The following TMEM132D variants were observed in gnomAD, a reference collection of about 807,000 sequenced individuals.
TMEM132D encodes the protein transmembrane protein 132D.
In TMEM132D, 21 loss-of-function variants were observed where a neutral mutation model predicts 62.3. The observed-to-expected ratio is 0.34, with a 90% confidence interval of 0.24 to 0.49. TMEM132D has a LOEUF of 0.49. Among genes scored for constraint, TMEM132D ranks in the 20% least tolerant of loss-of-function variants. The pLI, the probability that TMEM132D is intolerant of heterozygous loss-of-function variation, is 0.99. For synonymous variants in TMEM132D, 621 were observed against 575.6 expected (o/e 1.08, Z -1.13); for missense variants, 1,346 against 1,402.8 (o/e 0.96, Z 0.65).
chr12:129,303,958 C>T (rs1013822523), intron 4 of TMEM132D, among the ~76,000 whole-genome samples: 3 of 152,182 alleles, frequency 2.0e-5, no homozygotes, highest in Admixed American at 1.3e-4. Context: ...ACCCTGCCTC[C>T]ACCTTTGTGT....
rs369876979 is a variant in TMEM132D, at chr12:129,354,457, G to C, written c.1116-16640C>G. Among the ~76,000 whole-genome samples, 16 of 152,082 alleles carry C rather than the reference G, an allele frequency of 1.1e-4. No homozygotes were observed. In the East Asian group the frequency reaches 3.1e-3, roughly 29 times the overall value. On this transcript the variant is annotated intron_variant, in intron 3 of 8. Coordinates refer to ENST00000422113, the MANE Select transcript of TMEM132D (RefSeq NM_133448.3). ...TTCTGCCTCAGTCTCCCGAGTAGCT[G>C]GGACTACAGGTGCGAGCCACCACGC...
chr12:129,629,638 G>T (rs758714692), intron 2 of TMEM132D, among the ~76,000 whole-genome samples: 13 of 150,998 alleles, frequency 8.6e-5, no homozygotes, highest in Admixed American at 2.6e-4. Flanking sequence ...ATTTTACTTA[G>T]GATTTAGGCC....
intron 3 of TMEM132D, among the ~76,000 whole-genome samples, chr12:129,430,888 G>T (rs572945906): frequency 5.9e-5 from 9 of 152,162 alleles, no homozygotes; most frequent in Non-Finnish European, 1.3e-4. Flanking sequence ...TCAGGAGAGT[G>T]GGGGGAGACA....
chr12:129,281,107 A>C (rs1881132753), intron 4 of TMEM132D, among the ~76,000 whole-genome samples: 1 of 152,296 alleles, frequency 6.6e-6, no homozygotes, highest in African/African-American at 2.4e-5. Flanking sequence ...CTTCTTTGCT[A>C]ATCAGAAAAT....
intron 4 of TMEM132D, among the ~76,000 whole-genome samples, chr12:129,216,305 G>A (rs1879199537): frequency 1.3e-5 from 2 of 152,160 alleles, no homozygotes; most frequent in Non-Finnish European, 2.9e-5. Flanking sequence ...GATGACCATG[G>A]TGTGTTGAGT....
chr12:129,790,172 C>G (rs1392185815), intron 1 of TMEM132D, among the ~76,000 whole-genome samples: 6 of 152,300 alleles, frequency 3.9e-5, no homozygotes, highest in East Asian at 3.9e-4. Flanking sequence ...GAGCAAAACT[C>G]TGTGTGGCCC....
intron 3 of TMEM132D, among the ~76,000 whole-genome samples, chr12:129,498,310 G>C (rs1265323468): frequency 6.6e-6 from 1 of 152,176 alleles, no homozygotes; most frequent in East Asian, 1.9e-4. Context: ...CTGGAGTGCA[G>C]TGGCACGATC....
At chr12:129,831,199 G>T (rs957144652) in intron 1 of TMEM132D, among the ~76,000 whole-genome samples, 1 of 152,188 alleles carries the variant, frequency 6.6e-6, no homozygotes, top group Non-Finnish European at 1.5e-5. Flanking sequence ...CATCACTGAA[G>T]GGGTGAAGAA....
intron 1 of TMEM132D, among the ~76,000 whole-genome samples, chr12:129,899,078 AGGCATGT>A (rs1875244985): frequency 6.6e-6 from 1 of 152,222 alleles, no homozygotes; most frequent in Non-Finnish European, 1.5e-5. Context: ...TGTTCACTGA[AGGCATGT>A]GGCCTTTGAC....
chr12:129,395,449 A>G (rs924256336), intron 3 of TMEM132D, among the ~76,000 whole-genome samples: 1 of 152,132 alleles, frequency 6.6e-6, no homozygotes, highest in Non-Finnish European at 1.5e-5. Context: ...ATATTTGGTT[A>G]CTGGACTTCA....
chr12:129,356,219 G>C (rs1306618304), intron 3 of TMEM132D, among the ~76,000 whole-genome samples: 6 of 23,692 alleles, frequency 2.5e-4, no homozygotes, highest in East Asian at 1.0e-3. Context: ...TGCAGTGGCG[G>C]GATCTCGGCT....
chr12:129,601,642 G>T (rs1258347713), intron 2 of TMEM132D, among the ~76,000 whole-genome samples: 3 of 152,198 alleles, frequency 2.0e-5, no homozygotes, highest in Non-Finnish European at 2.9e-5. Context: ...CAATATTTTT[G>T]TGTCTCAGAG....
chr12:129,478,696 C>T (rs1874343533), intron 3 of TMEM132D, among the ~76,000 whole-genome samples: 1 of 152,138 alleles, frequency 6.6e-6, no homozygotes, highest in African/African-American at 2.4e-5. Flanking sequence ...TTGCTGTGTT[C>T]AGTACATCCT....
chr12:129,595,766 A>C (rs1878319133), intron 2 of TMEM132D, among the ~76,000 whole-genome samples: 1 of 152,242 alleles, frequency 6.6e-6, no homozygotes, highest in African/African-American at 2.4e-5. Context: ...GACCGACTGC[A>C]GATATGGGAC....
chr12:129,870,211 G>A (rs934086420), intron 1 of TMEM132D, among the ~76,000 whole-genome samples: 2 of 152,124 alleles, frequency 1.3e-5, no homozygotes, highest in Non-Finnish European at 2.9e-5. Context: ...TAGAACCCCT[G>A]GGCTCAAGAG....
intron 4 of TMEM132D, among the ~76,000 whole-genome samples, chr12:129,237,682 A>G (rs1340332241): frequency 2.0e-5 from 3 of 152,148 alleles, no homozygotes; most frequent in Non-Finnish European, 4.4e-5. Context: ...ATGTGCACTT[A>G]AAAATTTGCA....
chr12:129,617,555 G>C (rs1417461575), intron 2 of TMEM132D, among the ~76,000 whole-genome samples: 1 of 145,406 alleles, frequency 6.9e-6, no homozygotes, highest in Non-Finnish European at 1.5e-5. Flanking sequence ...ATTCCTGAGG[G>C]GTCTTGAGGC....
At chr12:129,691,884 A>G (rs1017709674) in intron 2 of TMEM132D, among the ~76,000 whole-genome samples, 5 of 152,132 alleles carry the variant, frequency 3.3e-5, no homozygotes, top group Non-Finnish European at 7.4e-5. Context: ...CTTGAAAGAC[A>G]CAAACTAACA....
chr12:129,702,770 G>A (rs747340311), intron 1 of TMEM132D, among the ~76,000 whole-genome samples: 2 of 152,234 alleles, frequency 1.3e-5, no homozygotes, highest in Non-Finnish European at 2.9e-5. Flanking sequence ...AGAGTGCCTG[G>A]TAAATGTCAG....
Sources: gnomAD v4.1 joint callset for allele counts (sites outside exome capture counted in the v4.1 genomes callset) on GRCh38, gnomAD v4.1.1 for gene constraint, MANE v1.5 for transcripts, NCBI Gene and HGNC (gene_info 2026-07-23, HGNC 2026-07-21) for gene names.